Variants in BICC1 observed in about 807,000 individuals in gnomAD.
BICC1 encodes protein bicaudal C homolog 1.
Under a neutral mutation model 111.0 loss-of-function variants are expected in BICC1, and 43 were observed. The observed-to-expected ratio is 0.39, with a 90% confidence interval of 0.30 to 0.50. The LOEUF is 0.50. Among genes scored for constraint, BICC1 ranks in the 20% least tolerant of loss-of-function variants. The pLI, the probability that BICC1 is intolerant of heterozygous loss-of-function variation, is 0.88. For synonymous variants in BICC1, 467 were observed against 434.4 expected (o/e 1.07, Z -0.93); for missense variants, 1,091 against 1,203.2 (o/e 0.91, Z 1.38).
At chr10:58,773,652 C>A (rs1842676553) in intron 3 of BICC1, among the ~76,000 whole-genome samples, 1 of 152,220 alleles carries the variant, frequency 6.6e-6, no homozygotes, top group East Asian at 1.9e-4. Context: ...GTCCAGCTTG[C>A]TGGGCACGAA....
At chr10:58,782,842 G>T (rs753263669) in intron 3 of BICC1, among the ~76,000 whole-genome samples, 4 of 152,150 alleles carry the variant, frequency 2.6e-5, no homozygotes, top group Non-Finnish European at 5.9e-5. Context: ...GAGCTATTAT[G>T]GATGAAATAA....
chr10:58,718,775 C>T (rs1233320488), intron 3 of BICC1, among the ~76,000 whole-genome samples: 2,308 of 91,770 alleles, frequency 0.025, 69 homozygotes, highest in African/African-American at 0.12. Context: ...TGCGCGCGCG[C>T]GTGCGCGCGT....
chr10:58,757,326 A>C (rs1842175636), intron 3 of BICC1, among the ~76,000 whole-genome samples: 1 of 152,150 alleles, frequency 6.6e-6, no homozygotes. Context: ...ATCGTAACAC[A>C]TTTTCTATAG....
At chr10:58,657,199 A>ATT (rs1358148721) in intron 2 of BICC1, among the ~76,000 whole-genome samples, 1 of 152,054 alleles carries the variant, frequency 6.6e-6, no homozygotes, top group Non-Finnish European at 1.5e-5. Flanking sequence ...CTCAAATGCC[A>ATT]TTTTTTTCCA....
intron 2 of BICC1, among the ~76,000 whole-genome samples, chr10:58,624,579 T>A (rs74568203): frequency 0.012 from 1,807 of 152,254 alleles, 35 homozygotes; most frequent in African/African-American, 0.042. Context: ...ATCTGTAATC[T>A]TGCCTTTTTG....
intron 1 of BICC1, among the ~76,000 whole-genome samples, chr10:58,570,722 A>G (rs1843922156): frequency 6.6e-6 from 1 of 152,194 alleles, no homozygotes; most frequent in South Asian, 2.1e-4. Flanking sequence ...GGAAACTTAA[A>G]GGTCAGGGAA....
chr10:58,793,451 A>G, intron 8 of BICC1, 33 bp from the exon 9 acceptor site: 1 of 1,573,554 alleles, frequency 6.4e-7, no homozygotes, highest in South Asian at 1.2e-5. Context: ...TTAAATTTTT[A>G]CCTCCTACAC....
chr10:58,761,463 T>C (rs1465844987), intron 3 of BICC1, among the ~76,000 whole-genome samples: 4 of 152,210 alleles, frequency 2.6e-5, no homozygotes, highest in African/African-American at 4.8e-5. Flanking sequence ...CCCATCAATG[T>C]AGATTTTTAG....
chr10:58,819,762 TC>T (rs1435842292), intron 19 of BICC1, among the ~76,000 whole-genome samples: 1 of 152,148 alleles, frequency 6.6e-6, no homozygotes, highest in Non-Finnish European at 1.5e-5. Flanking sequence ...GTCTTTCTCT[TC>T]TTACACACTA....
At chr10:58,527,787 CA>C (rs1379178443) in intron 1 of BICC1, among the ~76,000 whole-genome samples, 4 of 151,976 alleles carry the variant, frequency 2.6e-5, no homozygotes, top group African/African-American at 9.7e-5. Context: ...CACACATCTA[CA>C]TTGCTTCTTG....
rs1408501721 is a variant in BICC1, at chr10:58,829,747, T to C, written c.*856T>C. 6.6e-6 allele frequency: 1 copy of C among 152,242 alleles called. No individual in the cohort carries two copies. The highest frequency in any genetic ancestry group is 1.5e-5 in the Non-Finnish European group (1 of 68,046). 9.4% of individuals were successfully genotyped at this position (152,242 alleles called of 1,614,324 possible). A position where few individuals can be genotyped will look rare whatever the true frequency, so the allele number is the denominator to read the frequency against. On this transcript the variant is annotated 3_prime_UTR_variant, in exon 21 of 21. Transcript: ENST00000373886. ...GTAATGCTAAAATGATTTTAATGGT[T>C]GTCTGGAGGCAAAGGGCTGTTTTTT...
intron 2 of BICC1, among the ~76,000 whole-genome samples, chr10:58,699,928 G>A (rs187213537): frequency 2.2e-3 from 334 of 152,260 alleles, no homozygotes; most frequent in African/African-American, 7.4e-3. Flanking sequence ...CTGGCCTCAA[G>A]CAATCCTCCT....
At chr10:58,609,261 A>G (rs767937171) in intron 1 of BICC1, among the ~76,000 whole-genome samples, 2 of 152,236 alleles carry the variant, frequency 1.3e-5, no homozygotes, top group African/African-American at 2.4e-5. Context: ...GTACCAGTCA[A>G]CCTTTTCCTT....
intron 3 of BICC1, among the ~76,000 whole-genome samples, chr10:58,777,547 C>G (rs1265108390): frequency 6.6e-6 from 1 of 152,160 alleles, no homozygotes; most frequent in Non-Finnish European, 1.5e-5. Flanking sequence ...TCCTTGCATT[C>G]AGCAAGAACC....
At position 58,779,794 on chromosome 10, in the gene BICC1, G is replaced by T. The variant is rs181458050; in HGVS notation, c.308-5207G>T. Among the ~76,000 whole-genome samples, 11 of 152,302 alleles carry T rather than the reference G, an allele frequency of 7.2e-5. No individual in the cohort carries two copies. The East Asian group carries it at 2.1e-3, about 29-fold the overall frequency. Reference sequence around the variant, plus strand: ...AAGGCATTAAAAAGTAATAAATTCTGTGTGATACATTCTGGCTTTTCCTAG... The same window carrying T: ...AAGGCATTAAAAAGTAATAAATTCTTTGTGATACATTCTGGCTTTTCCTAG... On this transcript the variant is annotated intron_variant, in intron 3 of 20. Transcript: ENST00000373886.
intron 3 of BICC1, among the ~76,000 whole-genome samples, chr10:58,706,017 A>G (rs1341175119): frequency 6.6e-6 from 1 of 152,182 alleles, no homozygotes; most frequent in Non-Finnish European, 1.5e-5. Context: ...AATATTTGAT[A>G]TTTCTTCTGT....
At chr10:58,743,802 G>A (rs1046727471) in intron 3 of BICC1, among the ~76,000 whole-genome samples, 8 of 147,662 alleles carry the variant, frequency 5.4e-5, no homozygotes, top group East Asian at 2.0e-4. Flanking sequence ...TAAAGCAGAT[G>A]GGTTATACAT....
chr10:58,558,494 C>T (rs531650656), intron 1 of BICC1, among the ~76,000 whole-genome samples: 9 of 152,130 alleles, frequency 5.9e-5, no homozygotes, highest in Middle Eastern at 3.4e-3. Flanking sequence ...CCCCAGGAAT[C>T]GGCATGCTTT....
intron 1 of BICC1, among the ~76,000 whole-genome samples, chr10:58,520,499 GTTTGTA>G (rs1842360326): frequency 6.6e-6 from 1 of 152,104 alleles, no homozygotes. Context: ...TGATGAAAAT[GTTTGTA>G]TTTGTAACAA....
Sources: allele counts gnomAD v4.1 joint callset (sites outside exome capture counted in the v4.1 genomes callset), GRCh38; gene constraint gnomAD v4.1.1; transcripts MANE v1.5; gene names NCBI Gene and HGNC (gene_info 2026-07-23, HGNC 2026-07-21).